Variants in ZFHX3 observed in about 807,000 individuals in gnomAD.
The protein encoded by ZFHX3 is zinc finger homeobox protein 3.
In ZFHX3, 42 loss-of-function variants were observed where a neutral mutation model predicts 279.1. The ratio of observed to expected loss-of-function variants is 0.15; its 90% CI spans 0.12 to 0.19. The LOEUF (loss-of-function observed/expected upper bound fraction) is 0.19, where lower values mean the gene tolerates loss of function less well. ZFHX3 is among the 10% of genes least tolerant of loss of function. The pLI is 1.00. For synonymous variants in ZFHX3, 2,293 were observed against 1,957.8 expected, an observed-to-expected ratio of 1.17 and a Z score of -4.52; for missense variants, 4,981 against 4,754.0, an observed-to-expected ratio of 1.05 and a Z score of -1.40.
chr16:73,172,933 T>C, intron 5 of ZFHX3, among the ~76,000 whole-genome samples: 1 of 145,980 alleles, frequency 6.9e-6, no homozygotes, highest in African/African-American at 2.5e-5. Flanking sequence ...TGCCTGTGGT[T>C]TTTTTTTTTT....
chr16:72,811,551 C>G (rs1331591481), intron 7 of ZFHX3, 26 bp downstream of exon 7: 1 of 1,550,258 alleles, frequency 6.5e-7, no homozygotes, highest in South Asian at 1.2e-5. Context: ...AGAAAGACCA[C>G]AGGGTGCTGC....
At chr16:73,400,294 G>T (rs1368404215) in intron 3 of ZFHX3, 1 of 152,194 alleles carries the variant, frequency 6.6e-6, no homozygotes, top group Non-Finnish European at 1.5e-5. Context: ...CTAAAACTGT[G>T]GCCCCATTTT....
In ZFHX3 at chr16:73,770,003, T is replaced by C. The variant is rs536668405; in HGVS notation, c.-1607-89763A>G. ...TGTGATGACTGACTACCATCCATGGTCGGCAGAATAATGGTCCCCTAAAGG... is the reference window on the plus strand; with the variant it reads ...TGTGATGACTGACTACCATCCATGGCCGGCAGAATAATGGTCCCCTAAAGG... On this transcript the variant is annotated intron_variant, in intron 1 of 17. Coordinates refer to the ZFHX3 transcript ENST00000641206. Among the ~76,000 whole-genome samples the C allele has an allele frequency of 8.5e-5, 13 of 152,316 alleles. No individual in the cohort carries two copies. The South Asian group carries it at 2.5e-3, about 29-fold the overall frequency.
At chr16:73,052,474 A>G (rs1965469204), upstream of ZFHX3, among the ~76,000 whole-genome samples, 2 of 151,994 alleles carry the variant, frequency 1.3e-5, no homozygotes, top group South Asian at 2.1e-4. Context: ...CTAGAATCCT[A>G]TTTTCCTATC....
chr16:73,057,629 G>A (rs1433029311), intron 1 of ZFHX3, among the ~76,000 whole-genome samples: 1 of 151,754 alleles, frequency 6.6e-6, no homozygotes, highest in Non-Finnish European at 1.5e-5. Flanking sequence ...AAGAAGGCCG[G>A]CCGGGCGAGG....
chr16:73,617,634 C>A (rs1364420149), intron 2 of ZFHX3, among the ~76,000 whole-genome samples: 2 of 152,098 alleles, frequency 1.3e-5, no homozygotes, highest in Non-Finnish European at 2.9e-5. Flanking sequence ...TAAATACAGT[C>A]ATTTGAGCCA....
chr16:73,720,672 A>G (rs1755228333), intron 1 of ZFHX3, among the ~76,000 whole-genome samples: 1 of 152,214 alleles, frequency 6.6e-6, no homozygotes, highest in Admixed American at 6.5e-5. Context: ...AACCACTAGA[A>G]AAAGGGGTTA....
chr16:73,133,436 T>C (rs537680591), intron 6 of ZFHX3, among the ~76,000 whole-genome samples: 1 of 152,046 alleles, frequency 6.6e-6, no homozygotes, highest in East Asian at 1.9e-4. Flanking sequence ...GCGGGAGAAT[T>C]ACTTGAGACT....
intron 5 of ZFHX3, among the ~76,000 whole-genome samples, chr16:73,242,574 A>G (rs933308684): frequency 6.6e-6 from 1 of 152,242 alleles, no homozygotes; most frequent in Admixed American, 6.5e-5. Context: ...CACAGAAGCT[A>G]CAGAAGGAAT....
intron 4 of ZFHX3, among the ~76,000 whole-genome samples, chr16:73,317,811 C>G (rs566167431): frequency 2.0e-5 from 3 of 152,246 alleles, no homozygotes; most frequent in Admixed American, 2.0e-4. Flanking sequence ...AAGCCAGGTT[C>G]ACGCATGGAG....
chr16:73,505,420 C>G (rs996440902), intron 2 of ZFHX3, among the ~76,000 whole-genome samples: 10 of 152,092 alleles, frequency 6.6e-5, no homozygotes, highest in African/African-American at 2.2e-4. Flanking sequence ...CCCCCTACCC[C>G]CTTCAATGAT....
intron 1 of ZFHX3, among the ~76,000 whole-genome samples, chr16:73,788,916 G>C (rs1342801717): frequency 6.6e-6 from 1 of 151,584 alleles, no homozygotes; most frequent in African/African-American, 2.4e-5. Flanking sequence ...AAAGTGCTGG[G>C]ATTACAGGTG....
chr16:73,116,284 C>T (rs1966432748), intron 7 of ZFHX3, among the ~76,000 whole-genome samples: 1 of 152,078 alleles, frequency 6.6e-6, no homozygotes. Flanking sequence ...GGGGGAGTGT[C>T]CCTTGAAAAT....
At chr16:73,478,873 A>G (rs1292352706) in intron 2 of ZFHX3, among the ~76,000 whole-genome samples, 1 of 152,150 alleles carries the variant, frequency 6.6e-6, no homozygotes, top group African/African-American at 2.4e-5. Context: ...CAGCATGGTG[A>G]AACCCTGTCT....
intron 3 of ZFHX3, among the ~76,000 whole-genome samples, chr16:73,422,197 A>ATTTTTTTTTTTTTTT (rs34462342): frequency 6.9e-6 from 1 of 144,574 alleles, no homozygotes; most frequent in Non-Finnish European, 1.5e-5. Flanking sequence ...TTTTCAGAAG[A>ATTTTTTTTTTTTTTT]TTTTTTTTTT....
intron 5 of ZFHX3, among the ~76,000 whole-genome samples, chr16:73,217,929 T>C (rs774024263): frequency 6.6e-6 from 1 of 152,132 alleles, no homozygotes; most frequent in Non-Finnish European, 1.5e-5. Flanking sequence ...GACACCAGGA[T>C]TGAAAAAAGC....
At chr16:72,879,921 G>C (rs986961817) in intron 4 of ZFHX3, among the ~76,000 whole-genome samples, 4 of 152,202 alleles carry the variant, frequency 2.6e-5, no homozygotes, top group Admixed American at 2.6e-4. Context: ...GGCTGTGTGA[G>C]AACAGGCAAG....
chr16:72,849,134 C>CTCCAGGAGCACAGGGCAGTGCGTG (rs2037550570), intron 4 of ZFHX3, among the ~76,000 whole-genome samples: 1 of 152,244 alleles, frequency 6.6e-6, no homozygotes, highest in African/African-American at 2.4e-5. Context: ...AACGCCCGCC[C>CTCCAGGAGCACAGGGCAGTGCGTG]TCCAGGAGCA....
intron 3 of ZFHX3, among the ~76,000 whole-genome samples, chr16:72,940,273 C>G (rs1277183885): frequency 6.6e-6 from 1 of 152,112 alleles, no homozygotes; most frequent in African/African-American, 2.4e-5. Context: ...ACTTCAATGG[C>G]CAGCACAAAA....
Sources: gnomAD v4.1 joint callset for allele counts (sites outside exome capture counted in the v4.1 genomes callset) on GRCh38, gnomAD v4.1.1 for gene constraint, MANE v1.5 for transcripts, NCBI Gene and HGNC (gene_info 2026-07-23, HGNC 2026-07-21) for gene names.